The following KCNN1 variants were observed in gnomAD, a reference collection of about 807,000 sequenced individuals.
KCNN1 encodes the protein potassium calcium-activated channel subfamily N member 1.
In KCNN1, 20 loss-of-function variants were observed where a neutral mutation model predicts 44.7. The ratio of observed to expected loss-of-function variants is 0.45; its 90% confidence interval spans 0.32 to 0.65. The LOEUF (loss-of-function observed/expected upper bound fraction) is 0.65, where lower values mean the gene tolerates loss of function less well. Ranked by LOEUF, KCNN1 falls within the 30% of genes least tolerant of loss-of-function variation. The probability of loss-of-function intolerance (pLI) is 0.05; values close to 1 mark genes in which losing one functional copy is unlikely to be tolerated. For synonymous variants in KCNN1, 324 were observed against 341.7 expected, an observed-to-expected ratio of 0.95 and a Z score of 0.57; for missense variants, 632 against 785.3, an observed-to-expected ratio of 0.80 and a Z score of 2.33.
Position 17,993,598 on chromosome 19 carries a change from TG to T in KCNN1, c.1377+43del. 1.9e-6 allele frequency: 3 copies of T among 1,586,886 alleles called. No homozygotes were observed. Among genetic ancestry groups the T allele is most frequent in the African/African-American group, 1.3e-5 (1 of 74,452 alleles). On this transcript the variant is annotated intron_variant, in intron 9 of 9. Transcript: ENST00000684775. The surrounding 1 kb of genome is among the most constrained non-coding windows in gnomAD (Gnocchi z 4.5). ...GGCAGGGTGGGCCAGACAGGGCAGGTGGGGCCCCGGAGCAGATGGGATGGGG... is the reference window on the plus strand; with the variant it reads ...GGCAGGGTGGGCCAGACAGGGCAGGTGGGCCCCGGAGCAGATGGGATGGGG...
At chr19:17,990,713 T>C (rs1206697244) in intron 7 of KCNN1, among the ~76,000 whole-genome samples, 1 of 143,504 alleles carries the variant, frequency 7.0e-6, no homozygotes, top group Non-Finnish European at 1.5e-5. Context: ...GGCAGGAGAA[T>C]GGCATGAACC....
chr19:17,989,902 T>C (rs528539191), intron 7 of KCNN1, 59 bp downstream of exon 7: 1 of 1,610,354 alleles, frequency 6.2e-7, no homozygotes, highest in South Asian at 1.1e-5. Flanking sequence ...GAGGCAGCCC[T>C]CGCAGCTCTG....
rs1235448198 is a variant in KCNN1 at position 17,967,115 on chromosome 19, G to GC, written c.-278dup. 2.8e-5 allele frequency: 27 copies of GC among 978,214 alleles called. No homozygotes were observed. The highest frequency in any genetic ancestry group is 3.3e-5 in the Non-Finnish European group (27 of 825,746). 60.6% of individuals were successfully genotyped at this position (978,214 alleles called of 1,614,324 possible). The stretch of plus-strand genomic sequence containing the variant: ...TCTCTCCCGGCCCGGGCGGGCGCTC[G>GC]CCCCCCGCCGGGCCCGTGGACTGGG... On this transcript the variant is annotated 5_prime_UTR_variant, in exon 1 of 10. Coordinates refer to ENST00000684775, the MANE Select transcript of KCNN1 (RefSeq NM_001386974.1).
chr19:17,989,555 T>A (rs1420539792), intron 6 of KCNN1, among the ~76,000 whole-genome samples, 161 bp from the exon 7 acceptor site: 1 of 152,228 alleles, frequency 6.6e-6, no homozygotes, highest in Non-Finnish European at 1.5e-5. Flanking sequence ...ATACACACAC[T>A]GCACAGATGT....
chr19:17,969,697 G>A (rs1311698831), intron 1 of KCNN1, among the ~76,000 whole-genome samples: 3 of 152,226 alleles, frequency 2.0e-5, no homozygotes, highest in East Asian at 1.9e-4. Flanking sequence ...TCGGAAGGTC[G>A]TTTGCAGAGG....
chr19:17,984,580 C>T (rs2032529704), intron 4 of KCNN1, among the ~76,000 whole-genome samples: 1 of 152,130 alleles, frequency 6.6e-6, no homozygotes. Context: ...GGGAACAGAT[C>T]CTAGAGCCAC....
At chr19:17,995,327 C>A (rs1361808566) in intron 9 of KCNN1, among the ~76,000 whole-genome samples, 1 of 152,016 alleles carries the variant, frequency 6.6e-6, no homozygotes, top group Non-Finnish European at 1.5e-5. Flanking sequence ...GCGCACACCA[C>A]CAGGTCCTGC....
chr19:17,968,442 G>A (rs2031897790), intron 1 of KCNN1, among the ~76,000 whole-genome samples: 2 of 152,054 alleles, frequency 1.3e-5, no homozygotes, highest in African/African-American at 4.8e-5. Context: ...GAGGCACCAT[G>A]AGGAATCTTT....
Position 17,986,962 on chromosome 19 carries a change from A to T in KCNN1, c.1060-1453A>T, listed in dbSNP as rs574186416. Among the ~76,000 whole-genome samples, 5 of 151,800 alleles carry T rather than the reference A, an allele frequency of 3.3e-5. No homozygotes were observed. In the East Asian group the frequency reaches 7.8e-4, roughly 24 times the overall value. ...GCTGGAATTACAGGCGCCTGCCACC[A>T]GGCTCGGCTAATTTTTCTATTTTTA... On this transcript the variant is annotated intron_variant, in intron 5 of 9. Transcript: ENST00000684775.
At chr19:17,975,371 G>A (rs2145929770) in intron 3 of KCNN1, among the ~76,000 whole-genome samples, 184 bp downstream of exon 3, 1 of 152,336 alleles carries the variant, frequency 6.6e-6, no homozygotes, top group Non-Finnish European at 1.5e-5. Context: ...ACACACATCT[G>A]TGTTTTAATT....
chr19:17,997,599 C>T (rs1275292612), intron 9 of KCNN1, among the ~76,000 whole-genome samples: 1 of 61,404 alleles, frequency 1.6e-5, no homozygotes, highest in Non-Finnish European at 3.6e-5. Context: ...CTGCCTCATC[C>T]CCCCCGAGTA....
chr19:17,979,878 C>T (rs552692238), intron 3 of KCNN1, among the ~76,000 whole-genome samples: 20 of 151,644 alleles, frequency 1.3e-4, no homozygotes, highest in Non-Finnish European at 2.6e-4. Context: ...AAAAAAGATA[C>T]TTAAGAGTTA....
chr19:17,968,247 TG>T (rs2031887996), intron 1 of KCNN1, among the ~76,000 whole-genome samples: 1 of 151,988 alleles, frequency 6.6e-6, no homozygotes, highest in Non-Finnish European at 1.5e-5. Context: ...CGGAAGCCCC[TG>T]GGTGTGCATC....
In KCNN1 at chr19:17,981,978, G is replaced by A; in HGVS notation, c.768G>A (p.Ser256=). 3 of 1,610,174 alleles carry A rather than the reference G, an allele frequency of 1.9e-6. No individual in the cohort carries two copies. Among genetic ancestry groups the A allele is most frequent in the Admixed American group, 1.7e-5 (1 of 59,464 alleles). ...ACAGCAAAATCTTCACGGACGCCTCGAGCCGCAGCATCGGGGCCCTCAACA... is the reference window on the plus strand; with the variant it reads ...ACAGCAAAATCTTCACGGACGCCTCAAGCCGCAGCATCGGGGCCCTCAACA... ...LLHSKIFTDA[S]SRSIGALNKI... Residue 256 remains serine, a synonymous_variant, in exon 4 of 10, where the codon TCG becomes TCA. Transcript: ENST00000684775.
intron 9 of KCNN1, among the ~76,000 whole-genome samples, chr19:17,995,274 A>T (rs1568461245): frequency 6.6e-6 from 1 of 151,256 alleles, no homozygotes; most frequent in East Asian, 2.0e-4. Context: ...CCCAGGCTCA[A>T]GCAATCCCCC....
chr19:17,954,720 G>A (rs1455075275), intron 2 of KCNN1: 2 of 152,224 alleles, frequency 1.3e-5, no homozygotes, highest in South Asian at 2.1e-4. Flanking sequence ...TTGGGGGTGG[G>A]GGTGGCTCAG....
chr19:17,973,412 C>A (rs560324409), intron 1 of KCNN1, among the ~76,000 whole-genome samples: 2 of 152,340 alleles, frequency 1.3e-5, no homozygotes, highest in East Asian at 1.9e-4. Flanking sequence ...TCCCACGCAG[C>A]TGGGACTACA....
intron 7 of KCNN1, among the ~76,000 whole-genome samples, chr19:17,990,759 C>T (rs1454415719): frequency 4.8e-5 from 7 of 145,066 alleles, no homozygotes; most frequent in East Asian, 2.0e-4. Context: ...GAGATTGCGC[C>T]GCTGCACTCC....
At chr19:17,972,418 A>G (rs1243237095) in intron 1 of KCNN1, among the ~76,000 whole-genome samples, 1 of 152,184 alleles carries the variant, frequency 6.6e-6, no homozygotes, top group African/African-American at 2.4e-5. Flanking sequence ...TGCTTTTCAA[A>G]TAGCCTGGCA....
Sources: allele counts gnomAD v4.1 joint callset (sites outside exome capture counted in the v4.1 genomes callset), GRCh38; gene constraint gnomAD v4.1.1; non-coding constraint Gnocchi (gnomAD v3.1); transcripts MANE v1.5; gene names NCBI Gene and HGNC (gene_info 2026-07-23, HGNC 2026-07-21).